Variants in PICALM observed in about 807,000 individuals in gnomAD.
The protein encoded by PICALM is phosphatidylinositol binding clathrin assembly protein.
In PICALM, 40 loss-of-function variants were observed where a neutral mutation model predicts 80.5. The observed-to-expected ratio is 0.50, with a 90% CI of 0.39 to 0.65. The LOEUF is 0.65. Ranked by LOEUF, PICALM falls within the 30% of genes least tolerant of loss-of-function variation. PICALM has a pLI of 0.00. For missense variants in PICALM, 676 were observed against 778.9 expected (o/e 0.87, Z 1.57); for synonymous variants, 288 against 260.3 (o/e 1.11, Z -1.02).
rs867348959 is a variant in PICALM at position 86,037,260 on chromosome 11, T to A, written c.131-5649A>T. Among the ~76,000 whole-genome samples, 265 of 39,846 alleles carry A rather than the reference T, an allele frequency of 6.7e-3. 13 individuals carry two copies. The highest frequency in any genetic ancestry group is 0.024 in the Admixed American group (114 of 4,820). The allele number at this position is 39,846 out of a possible 152,430, so 26.1% of individuals were successfully genotyped here. A position where few individuals can be genotyped will look rare whatever the true frequency, so the allele number is the denominator to read the frequency against. On this transcript the variant is annotated intron_variant, in intron 1 of 19. Transcript: ENST00000393346. ...ACACCCAGCCAAAAAAAAAAGAAAATTTTTTTTTTTTTTTTTTGAGACGGA... is the reference window on the plus strand; with the variant it reads ...ACACCCAGCCAAAAAAAAAAGAAAAATTTTTTTTTTTTTTTTTGAGACGGA...
intron 11 of PICALM, among the ~76,000 whole-genome samples, chr11:85,997,480 CT>C (rs1340847541): frequency 6.6e-6 from 1 of 151,862 alleles, no homozygotes; most frequent in Admixed American, 6.6e-5. Flanking sequence ...TTTCTTTCTT[CT>C]TTTTTTTGAG....
chr11:86,065,057 A>G lies in PICALM; in HGVS notation c.130+3594T>C, dbSNP rs192677708. On this transcript the variant is annotated intron_variant, in intron 1 of 19. Transcript: ENST00000393346. ...ATGATCCTGCCACTGCACACCAGAGACAGAGCAAGACCCTGTATCCAAAAA... is the reference window on the plus strand; with the variant it reads ...ATGATCCTGCCACTGCACACCAGAGGCAGAGCAAGACCCTGTATCCAAAAA... Among the ~76,000 whole-genome samples the G allele has an allele frequency of 2.1e-3, 324 of 152,226 alleles. 1 individual carries two copies. The highest frequency in any genetic ancestry group is 7.5e-3 in the African/African-American group (310 of 41,532).
intron 7 of PICALM, among the ~76,000 whole-genome samples, chr11:86,009,449 TGG>T (rs2095350973): frequency 6.6e-6 from 1 of 152,116 alleles, no homozygotes; most frequent in Non-Finnish European, 1.5e-5. Flanking sequence ...CCCAGCACTT[TGG>T]GAGGCCCAGG....
At position 85,958,440 on chromosome 11, in the gene PICALM, T is replaced by A. The variant is rs900956582; in HGVS notation, c.*606A>T. 4.7e-6 allele frequency: 1 copy of A among 211,208 alleles called. No homozygotes were observed. Among genetic ancestry groups the A allele is most frequent in the Non-Finnish European group, 9.6e-6 (1 of 104,034 alleles). 13.1% of individuals were successfully genotyped at this position (211,208 alleles called of 1,614,324 possible). A position where few individuals can be genotyped will look rare whatever the true frequency, so the allele number is the denominator to read the frequency against. ...TCAAACATACTGTGCACATCCATAC[T>A]CATTTTCATAAGGAGGTCTGATACA... On this transcript the variant is annotated 3_prime_UTR_variant, in exon 20 of 20. Coordinates refer to ENST00000393346, the MANE Select transcript of PICALM (RefSeq NM_007166.4).
At position 86,025,866 on chromosome 11, in the gene PICALM, G is replaced by C. The variant is rs545698372; in HGVS notation, c.349+426C>G. Among the ~76,000 whole-genome samples, 8 of 152,222 alleles carry C rather than the reference G, an allele frequency of 5.3e-5. No homozygotes were observed. The South Asian group carries it at 1.7e-3, about 32-fold the overall frequency. Reference sequence around the variant, plus strand: ...GAGCCACCGTACCCAGCCTTACATAGCATGTCTTGTGTGCCAGGCACTGTT... The same window carrying C: ...GAGCCACCGTACCCAGCCTTACATACCATGTCTTGTGTGCCAGGCACTGTT... On this transcript the variant is annotated intron_variant, in intron 3 of 19. Coordinates refer to ENST00000393346, the MANE Select transcript of PICALM (RefSeq NM_007166.4).
chr11:85,975,559 A>G (rs1407704388), intron 18 of PICALM, among the ~76,000 whole-genome samples: 1 of 132,880 alleles, frequency 7.5e-6, no homozygotes, highest in East Asian at 2.2e-4. Context: ...TTAGAGCTTC[A>G]TTTTAAGTTT....
chr11:86,066,712 A>T (rs913373715), intron 1 of PICALM, among the ~76,000 whole-genome samples: 1 of 151,710 alleles, frequency 6.6e-6, no homozygotes, highest in African/African-American at 2.4e-5. Flanking sequence ...AAAATAGTTC[A>T]CACAGTCACA....
chr11:86,033,796 A>G (rs1401296695), intron 1 of PICALM, among the ~76,000 whole-genome samples: 2 of 152,164 alleles, frequency 1.3e-5, no homozygotes, highest in East Asian at 3.8e-4. Context: ...AAGATCAGTC[A>G]TATTTTTTAA....
At chr11:86,058,476 C>A (rs1427155687) in intron 1 of PICALM, among the ~76,000 whole-genome samples, 1 of 152,164 alleles carries the variant, frequency 6.6e-6, no homozygotes, top group Non-Finnish European at 1.5e-5. Context: ...AGGATGCTTT[C>A]AAGTAATAAG....
intron 1 of PICALM, among the ~76,000 whole-genome samples, chr11:86,060,463 T>A (rs1362973275): frequency 2.6e-5 from 4 of 152,194 alleles, no homozygotes; most frequent in African/African-American, 7.2e-5. Flanking sequence ...GCTACTACAT[T>A]CAACCTATGG....
At chr11:86,011,447 C>CCCATT in intron 6 of PICALM, among the ~76,000 whole-genome samples, 1 of 152,204 alleles carries the variant, frequency 6.6e-6, no homozygotes, top group Non-Finnish European at 1.5e-5. Flanking sequence ...TAAAACAGCA[C>CCCATT]TAACATCTAT....
intron 6 of PICALM, 66 bp downstream of exon 6, chr11:86,012,215 T>C: frequency 1.2e-6 from 1 of 809,196 alleles, no homozygotes; most frequent in Middle Eastern, 2.8e-4. Context: ...AAGTAACAAC[T>C]CAGTCAATAT....
rs1183117837 is a variant in PICALM at position 85,998,564 on chromosome 11, G to A, written c.1155-1635C>T. The stretch of plus-strand genomic sequence containing the variant: ...TCCCAGCACTTTGGGAGGCTGAGGC[G>A]TGCGGACTGCTTGAGTTCAAAAGTT... On this transcript the variant is annotated intron_variant, in intron 11 of 19. Transcript: ENST00000393346. 3.9e-5 allele frequency among the ~76,000 whole-genome samples: 6 copies of A among 151,924 alleles called. No individual in the cohort carries two copies. In the East Asian group the frequency reaches 5.9e-4, roughly 15 times the overall value.
chr11:86,062,820 T>C (rs1405051642), intron 1 of PICALM, among the ~76,000 whole-genome samples: 1 of 152,198 alleles, frequency 6.6e-6, no homozygotes, highest in Admixed American at 6.5e-5. Flanking sequence ...AAAATTTTGA[T>C]TCTCTAGAGA....
chr11:86,025,412 T>C (rs1213891116), intron 3 of PICALM, among the ~76,000 whole-genome samples: 1 of 151,544 alleles, frequency 6.6e-6, no homozygotes, highest in Non-Finnish European at 1.5e-5. Context: ...AAAACATAAA[T>C]AAGAAAATAG....
chr11:85,968,371 T>A (rs1316568015), intron 19 of PICALM, among the ~76,000 whole-genome samples: 4 of 152,150 alleles, frequency 2.6e-5, no homozygotes, highest in Admixed American at 6.5e-5. Context: ...AAGGTAATAC[T>A]CTGTATTTTT....
intron 4 of PICALM, among the ~76,000 whole-genome samples, chr11:86,020,424 G>GAAAAAAAAAAAAAAAAAAAAA (rs34312370): frequency 1.1e-5 from 1 of 94,250 alleles, no homozygotes; most frequent in Non-Finnish European, 2.1e-5. Context: ...ACAATCTTGG[G>GAAAAAAAAAAAAAAAAAAAAA]AAAAAAAAAA....
Position 85,977,276 on chromosome 11 carries a change from T to C in PICALM, c.1780-594A>G, listed in dbSNP as rs369686430. 2.0e-5 allele frequency among the ~76,000 whole-genome samples: 3 copies of C among 152,226 alleles called. No individual in the cohort carries two copies. In the East Asian group the frequency reaches 5.8e-4, roughly 29 times the overall value. ...GAGTATGTACGTTAGCTTTCTAATT[T>C]ATTCCAAAAATTATTTAAGAGGAAC... On this transcript the variant is annotated intron_variant, in intron 17 of 19. Transcript: ENST00000393346.
At chr11:85,966,921 C>T (rs191522199) in intron 19 of PICALM, among the ~76,000 whole-genome samples, 8 of 152,266 alleles carry the variant, frequency 5.3e-5, no homozygotes, top group South Asian at 4.1e-4. Context: ...ATGGCTCTGC[C>T]GATACCCTGA....
Sources: allele counts gnomAD v4.1 joint callset (sites outside exome capture counted in the v4.1 genomes callset), GRCh38; gene constraint gnomAD v4.1.1; transcripts MANE v1.5; gene names NCBI Gene and HGNC (gene_info 2026-07-23, HGNC 2026-07-21).